Variants in MBNL2 observed in about 807,000 individuals in gnomAD.
MBNL2 encodes muscleblind like splicing regulator 2.
In MBNL2, 17 loss-of-function variants were observed where a neutral mutation model predicts 41.9. The observed-to-expected ratio is 0.41, with a 90% CI of 0.28 to 0.61. The LOEUF (loss-of-function observed/expected upper bound fraction) is 0.61. Ranked by LOEUF, MBNL2 falls within the 20% of genes least tolerant of loss-of-function variation. The pLI is 0.35. For missense variants in MBNL2, 336 were observed against 505.6 expected (o/e 0.66, Z 3.22); for synonymous variants, 195 against 182.9 (o/e 1.07, Z -0.53).
chr13:97,184,664 G>T, the MBNL2 span, among the ~76,000 whole-genome samples: 1 of 152,148 alleles, frequency 6.6e-6, no homozygotes, highest in Non-Finnish European at 1.5e-5. Context: ...TGTATTTTTA[G>T]TAGGAACGGG....
chr13:97,276,490 A>G, intron 2 of MBNL2, 81 bp downstream of exon 2: 1 of 1,338,664 alleles, frequency 7.5e-7, no homozygotes, highest in Non-Finnish European at 1.0e-6. Context: ...TTTTTACAGA[A>G]GTTTAAAAAT....
At chr13:97,251,371 A>G (rs989474850) in intron 1 of MBNL2, among the ~76,000 whole-genome samples, 2 of 152,054 alleles carry the variant, frequency 1.3e-5, no homozygotes, top group Non-Finnish European at 2.9e-5. Context: ...CATGTACCCC[A>G]TAAATAGATA....
At chr13:97,198,732 C>T in the MBNL2 span, among the ~76,000 whole-genome samples, 1 of 152,020 alleles carries the variant, frequency 6.6e-6, no homozygotes, top group Non-Finnish European at 1.5e-5. Context: ...TCATTGGCTT[C>T]TCTCTCTTTT....
At chr13:97,259,201 C>A (rs1374198397) in intron 1 of MBNL2, among the ~76,000 whole-genome samples, 1 of 152,126 alleles carries the variant, frequency 6.6e-6, no homozygotes, top group Non-Finnish European at 1.5e-5. Flanking sequence ...TATCTCCCAC[C>A]ACCACATCAT....
At chr13:97,361,658 A>G (rs913236929) in intron 7 of MBNL2, among the ~76,000 whole-genome samples, 3 of 152,018 alleles carry the variant, frequency 2.0e-5, no homozygotes, top group African/African-American at 4.8e-5. Context: ...ATTATTTGCA[A>G]TCCCAATGAT....
At chr13:97,236,786 AC>A (rs2043362086) in intron 1 of MBNL2, among the ~76,000 whole-genome samples, 1 of 152,190 alleles carries the variant, frequency 6.6e-6, no homozygotes, top group Non-Finnish European at 1.5e-5. Context: ...CAAATTAGAA[AC>A]TTGAAAGGAA....
intron 1 of MBNL2, among the ~76,000 whole-genome samples, chr13:97,235,409 A>T (rs2043085752): frequency 6.6e-6 from 1 of 152,172 alleles, no homozygotes; most frequent in Non-Finnish European, 1.5e-5. Flanking sequence ...TTGATCAGAA[A>T]ATGTAACTGA....
rs373969343 is a variant in MBNL2 at position 97,287,254 on chromosome 13, G to A, written c.174+10845G>A. 2.6e-5 allele frequency among the ~76,000 whole-genome samples: 4 copies of A among 151,242 alleles called. No homozygotes were observed. In the South Asian group the frequency reaches 8.3e-4, roughly 31 times the overall value. ...GCTATTAAAATTCATGGATCGGCTT[G>A]TTGGGAAACTTCATCGTTCCCAAAA... On this transcript the variant is annotated intron_variant, in intron 2 of 8. Coordinates refer to ENST00000679496, the MANE Select transcript of MBNL2 (RefSeq NM_001382683.1).
the MBNL2 span, among the ~76,000 whole-genome samples, chr13:97,162,011 A>G: frequency 6.6e-6 from 1 of 152,216 alleles, no homozygotes. Context: ...CAGGCTCTAC[A>G]GGAAGTACAG....
intron 2 of MBNL2, among the ~76,000 whole-genome samples, chr13:97,325,104 G>A (rs1352873369): frequency 1.3e-5 from 2 of 152,102 alleles, no homozygotes; most frequent in Non-Finnish European, 2.9e-5. Context: ...TTTCATGTAA[G>A]GTTGATATAT....
intron 2 of MBNL2, among the ~76,000 whole-genome samples, chr13:97,319,556 C>A (rs908119354): frequency 4.6e-5 from 7 of 152,174 alleles, no homozygotes; most frequent in Admixed American, 2.0e-4. Context: ...ACGGGTGAGA[C>A]TCTGCCAATG....
At chr13:97,160,589 C>T in the MBNL2 span, among the ~76,000 whole-genome samples, 1 of 152,070 alleles carries the variant, frequency 6.6e-6, no homozygotes, top group Non-Finnish European at 1.5e-5. Flanking sequence ...CACACACATA[C>T]CCATAAAATT....
upstream of MBNL2, among the ~76,000 whole-genome samples, chr13:97,217,078 GTATAT>G (rs1199471883): frequency 2.7e-5 from 4 of 147,600 alleles, no homozygotes; most frequent in Non-Finnish European, 5.9e-5. Flanking sequence ...CATATGTGTT[GTATAT>G]AATATATGAT....
At chr13:97,299,442 G>T (rs1391833469) in intron 2 of MBNL2, among the ~76,000 whole-genome samples, 3 of 152,052 alleles carry the variant, frequency 2.0e-5, no homozygotes, top group Non-Finnish European at 4.4e-5. Context: ...AGCACAATTT[G>T]TAAATATATA....
chr13:97,220,726 C>T (rs1353474731), upstream of MBNL2, among the ~76,000 whole-genome samples: 3 of 152,044 alleles, frequency 2.0e-5, no homozygotes, highest in East Asian at 5.8e-4. Flanking sequence ...TTCTGGCCTA[C>T]CTGGGAGGGA....
chr13:97,314,694 A>G (rs1337491782), intron 2 of MBNL2, among the ~76,000 whole-genome samples: 1 of 152,222 alleles, frequency 6.6e-6, no homozygotes, highest in Non-Finnish European at 1.5e-5. Flanking sequence ...CTTCTTTGAG[A>G]TAATCCGCAG....
chr13:97,161,073 G>A, the MBNL2 span, among the ~76,000 whole-genome samples: 4 of 152,154 alleles, frequency 2.6e-5, no homozygotes, highest in Admixed American at 1.3e-4. Flanking sequence ...AGTCCCACCT[G>A]AGACATACTG....
chr13:97,171,922 T>C, the MBNL2 span, among the ~76,000 whole-genome samples: 1 of 152,182 alleles, frequency 6.6e-6, no homozygotes, highest in Non-Finnish European at 1.5e-5. Context: ...CATTCTCTCT[T>C]TGCCTGCTGC....
At chr13:97,247,624 T>A (rs757313407) in intron 1 of MBNL2, among the ~76,000 whole-genome samples, 1 of 152,238 alleles carries the variant, frequency 6.6e-6, no homozygotes, top group Non-Finnish European at 1.5e-5. Context: ...GAGGCAGTGG[T>A]GTTACTTATA....
Sources: gnomAD v4.1 joint callset for allele counts (sites outside exome capture counted in the v4.1 genomes callset) on GRCh38, gnomAD v4.1.1 for gene constraint, MANE v1.5 for transcripts, NCBI Gene and HGNC (gene_info 2026-07-23, HGNC 2026-07-21) for gene names.